Variants in GLIS1 observed in about 807,000 individuals in gnomAD.
GLIS1 encodes zinc finger protein GLIS1.
Under a neutral mutation model 63.8 loss-of-function variants are expected in GLIS1, and 24 were observed. That is an observed-to-expected ratio of 0.38 (90% CI 0.27 to 0.53). GLIS1 has a LOEUF of 0.53. Among genes scored for constraint, GLIS1 ranks in the 20% least tolerant of loss-of-function variants. The pLI, the probability that GLIS1 is intolerant of heterozygous loss-of-function variation, is 0.85. For synonymous variants in GLIS1, 450 were observed against 482.5 expected, an observed-to-expected ratio of 0.93 and a Z score of 0.88; for missense variants, 1,036 against 1,074.1, an observed-to-expected ratio of 0.96 and a Z score of 0.50.
At chr1:53,618,121 C>A (rs1250322709) in intron 2 of GLIS1, among the ~76,000 whole-genome samples, 1 of 152,226 alleles carries the variant, frequency 6.6e-6, no homozygotes, top group Non-Finnish European at 1.5e-5. Flanking sequence ...GGGGAAGGGA[C>A]CTCGGCAGGG....
chr1:53,544,195 G>A (rs953473862), intron 4 of GLIS1, among the ~76,000 whole-genome samples: 53 of 152,346 alleles, frequency 3.5e-4, no homozygotes, highest in African/African-American at 1.2e-3. Flanking sequence ...GTGCTGAACC[G>A]CTCGGCTATG....
chr1:53,622,494 T>G (rs557662705), intron 2 of GLIS1, among the ~76,000 whole-genome samples: 1 of 150,808 alleles, frequency 6.6e-6, no homozygotes, highest in Non-Finnish European at 1.5e-5. Context: ...ATCTCCAGAA[T>G]TGGTGAATGT....
chr1:53,646,688 T>C lies in GLIS1; in HGVS notation c.260-46410A>G, dbSNP rs1436762283. Among the ~76,000 whole-genome samples the C allele has an allele frequency of 6.6e-6, 1 of 152,112 alleles. No homozygotes were observed. The highest frequency in any genetic ancestry group is 1.5e-5 in the Non-Finnish European group (1 of 68,022). On this transcript the variant is annotated intron_variant, in intron 2 of 10. Transcript: ENST00000628545. The surrounding 1 kb of genome is among the most constrained non-coding windows in gnomAD (Gnocchi z 4.2). ...AGCCAGGTGTGGTGGCGCACATCTGTGGTCCCAGCTACTTGGGAGGCTAAG... is the reference window on the plus strand; with the variant it reads ...AGCCAGGTGTGGTGGCGCACATCTGCGGTCCCAGCTACTTGGGAGGCTAAG...
intron 3 of GLIS1, among the ~76,000 whole-genome samples, chr1:53,595,229 G>A (rs1645242895): frequency 6.6e-6 from 1 of 152,154 alleles, no homozygotes; most frequent in African/African-American, 2.4e-5. Context: ...GAAAGAAGAG[G>A]CAGGAGGCCA....
At chr1:53,581,684 G>C (rs1240431550) in intron 4 of GLIS1, among the ~76,000 whole-genome samples, 1 of 152,186 alleles carries the variant, frequency 6.6e-6, no homozygotes, top group Non-Finnish European at 1.5e-5. Flanking sequence ...GGGAGCAGAG[G>C]TCAGGCTGGG....
Position 53,737,925 on chromosome 1 carries a change from T to C in GLIS1, c.140A>G (p.Asp47Gly), listed in dbSNP as rs1033337228. 6.5e-6 allele frequency: 8 copies of C among 1,229,940 alleles called. No individual in the cohort carries two copies. In the African/African-American group the frequency reaches 1.1e-4, roughly 17 times the overall value. 76.2% of individuals were successfully genotyped at this position (1,229,940 alleles called of 1,614,324 possible). ...RVTVSGGGCG[D>G]RGPRDLLARP... The stretch of plus-strand genomic sequence containing the variant: ...GGCTAGCAGGTCCCGCGGGCCCCTG[T>C]CCCCGCAGCCGCCGCCACTCACGGT... The change falls in exon 2 of 11, where the codon GAC becomes GGC. Residue 47 changes from aspartate to glycine, a missense_variant. Around this residue, in one of 3 missense-constraint regions of GLIS1, gnomAD observed 592 missense variants for 593.9 expected, o/e 1.00. Transcript: ENST00000628545.
chr1:53,542,935 A>G (rs1311360789), intron 4 of GLIS1, among the ~76,000 whole-genome samples: 1 of 152,238 alleles, frequency 6.6e-6, no homozygotes, highest in African/African-American at 2.4e-5. Context: ...AGGGACAAGT[A>G]GATTCTGGCC....
intron 2 of GLIS1, among the ~76,000 whole-genome samples, chr1:53,609,297 G>A (rs1463801395): frequency 7.6e-4 from 52 of 68,584 alleles, no homozygotes; most frequent in African/African-American, 1.2e-3. Context: ...TTTTTGAGAT[G>A]CAGTCTCACT....
intron 4 of GLIS1, among the ~76,000 whole-genome samples, chr1:53,563,908 C>T (rs1003360564): frequency 6.6e-6 from 1 of 152,148 alleles, no homozygotes; most frequent in South Asian, 2.1e-4. Flanking sequence ...TTCAAAGCAC[C>T]GAAAGAAAAT....
chr1:53,728,722 C>G lies in GLIS1; in HGVS notation c.259+9084G>C, dbSNP rs192380587. 1.4e-3 allele frequency among the ~76,000 whole-genome samples: 209 copies of G among 152,298 alleles called. 2 individuals carry two copies. Among genetic ancestry groups the G allele is most frequent in the African/African-American group, 4.9e-3 (204 of 41,566 alleles). On this transcript the variant is annotated intron_variant, in intron 2 of 10. Transcript: ENST00000628545. Reference sequence around the variant, plus strand: ...AGGCACAAAGATGAATAAAAAGAAGCCCACAGATTATAAGAAAAGAAGGCC... The same window carrying G: ...AGGCACAAAGATGAATAAAAAGAAGGCCACAGATTATAAGAAAAGAAGGCC...
At chr1:53,583,783 G>A (rs1023483943) in intron 4 of GLIS1, among the ~76,000 whole-genome samples, 8 of 152,324 alleles carry the variant, frequency 5.3e-5, no homozygotes, top group African/African-American at 1.2e-4. Context: ...TACAGACCAC[G>A]GAGGCCCCAG....
chr1:53,514,469 T>A (rs1644329116), intron 8 of GLIS1, among the ~76,000 whole-genome samples, 156 bp downstream of exon 8: 1 of 151,864 alleles, frequency 6.6e-6, no homozygotes. Context: ...GCACACAAAG[T>A]GTGTGGAATG....
intron 2 of GLIS1, among the ~76,000 whole-genome samples, chr1:53,720,805 C>G (rs1211794029): frequency 6.6e-6 from 1 of 152,076 alleles, no homozygotes; most frequent in African/African-American, 2.4e-5. Flanking sequence ...AGTTTCTGAG[C>G]CTGGGCAACA....
chr1:53,578,460 T>G (rs1160161276), intron 4 of GLIS1, among the ~76,000 whole-genome samples: 2 of 152,216 alleles, frequency 1.3e-5, no homozygotes, highest in Admixed American at 1.3e-4. Context: ...CTGTTAATAA[T>G]GAACTCTCTC....
chr1:53,618,441 G>A (rs1054443174), intron 2 of GLIS1, among the ~76,000 whole-genome samples: 2 of 152,216 alleles, frequency 1.3e-5, no homozygotes, highest in Non-Finnish European at 2.9e-5. Flanking sequence ...AACATTATTA[G>A]TTGAAACCCA....
At chr1:53,603,228 G>C (rs1405246995) in intron 2 of GLIS1, among the ~76,000 whole-genome samples, 1 of 152,168 alleles carries the variant, frequency 6.6e-6, no homozygotes, top group Non-Finnish European at 1.5e-5. Context: ...TAGTGCTCTA[G>C]GCTCATTCAA....
In GLIS1 at chr1:53,639,605, G is replaced by A. The variant is rs1243827855; in HGVS notation, c.260-39327C>T. Among the ~76,000 whole-genome samples the A allele has an allele frequency of 2.0e-5, 3 of 152,130 alleles. No homozygotes were observed. The highest frequency in any genetic ancestry group is 1.9e-4 in the East Asian group (1 of 5,200). Reference sequence around the variant, plus strand: ...AGAGCTGGATCCACCAGAGGGTGACGATAATATTTTCTTTCCTGTCTTACC... The same window carrying A: ...AGAGCTGGATCCACCAGAGGGTGACAATAATATTTTCTTTCCTGTCTTACC... On this transcript the variant is annotated intron_variant, in intron 2 of 10. Transcript: ENST00000628545. The surrounding 1 kb of genome is among the most constrained non-coding windows in gnomAD (Gnocchi z 4.6).
At chr1:53,674,045 G>A (rs916105784) in intron 2 of GLIS1, among the ~76,000 whole-genome samples, 12 of 151,940 alleles carry the variant, frequency 7.9e-5, no homozygotes, top group South Asian at 6.2e-4. Context: ...GGGGGCACGC[G>A]CCTGTAATCC....
chr1:53,648,430 T>G (rs1216351147), intron 2 of GLIS1, among the ~76,000 whole-genome samples: 1 of 152,156 alleles, frequency 6.6e-6, no homozygotes, highest in Admixed American at 6.5e-5. Flanking sequence ...GTGCAGCCAC[T>G]TTGGAAAGCT....
Sources: gnomAD v4.1 joint callset for allele counts (sites outside exome capture counted in the v4.1 genomes callset) on GRCh38, gnomAD v4.1.1 for gene constraint, gnomAD v4.1.1 regional missense constraint, Gnocchi (gnomAD v3.1) non-coding constraint, MANE v1.5 for transcripts, NCBI Gene and HGNC (gene_info 2026-07-23, HGNC 2026-07-21) for gene names.